DLGAP4: variants seen among roughly 807,000 people sequenced by gnomAD.
DLGAP4 encodes the protein disks large-associated protein 4.
A neutral mutation model predicts 86.9 loss-of-function variants in DLGAP4; 18 were observed. The ratio of observed to expected loss-of-function variants is 0.21; its 90% CI spans 0.14 to 0.31. DLGAP4 has a LOEUF of 0.31. Ranked by LOEUF, DLGAP4 falls within the 10% of genes least tolerant of loss-of-function variation. The pLI is 1.00. For missense variants in DLGAP4, 1,085 were observed against 1,362.6 expected (o/e 0.80, Z 3.21); for synonymous variants, 548 against 574.3 (o/e 0.95, Z 0.65).
At chr20:36,423,139 T>C (rs2032874100) in intron 2 of DLGAP4, among the ~76,000 whole-genome samples, 1 of 152,054 alleles carries the variant, frequency 6.6e-6, no homozygotes, top group African/African-American at 2.4e-5. Context: ...CAGTACGAGG[T>C]CACAGCAAAT....
chr20:36,376,869 G>A (rs969527593), intron 2 of DLGAP4, among the ~76,000 whole-genome samples: 46 of 152,308 alleles, frequency 3.0e-4, no homozygotes, highest in African/African-American at 1.1e-3. Context: ...TGTGGGGAAG[G>A]TGGGAGGAGA....
intron 8 of DLGAP4, 44 bp downstream of exon 8, chr20:36,497,110 C>T: frequency 2.6e-6 from 4 of 1,537,144 alleles, no homozygotes; most frequent in Middle Eastern, 1.8e-4. Context: ...CCACTCCGTG[C>T]ACCTGCCTGT....
At chr20:36,507,271 A>T (rs1461469990) in intron 10 of DLGAP4, among the ~76,000 whole-genome samples, 3 of 151,878 alleles carry the variant, frequency 2.0e-5, no homozygotes, top group African/African-American at 7.3e-5. Context: ...TCTGTTGCCC[A>T]GGCTGGAGTG....
intron 2 of DLGAP4, among the ~76,000 whole-genome samples, chr20:36,409,773 C>A (rs1240168671): frequency 6.6e-6 from 1 of 151,472 alleles, no homozygotes; most frequent in African/African-American, 2.4e-5. Context: ...GTGGCTCAAG[C>A]CTGTAATCCC....
intron 10 of DLGAP4, chr20:36,508,123 G>A (rs1351311104): frequency 6.6e-6 from 1 of 152,224 alleles, no homozygotes; most frequent in African/African-American, 2.4e-5. Context: ...GCCCAAGGCG[G>A]GGCTTCAGGT....
intron 7 of DLGAP4, chr20:36,461,884 C>T (rs1176916366): frequency 1.0e-6 from 1 of 985,146 alleles, no homozygotes; most frequent in African/African-American, 1.8e-5. Flanking sequence ...CTCCGCAGCC[C>T]CTCCCTCGCT....
At chr20:36,355,472 G>A (rs534541842) in intron 1 of DLGAP4, among the ~76,000 whole-genome samples, 2 of 151,780 alleles carry the variant, frequency 1.3e-5, no homozygotes, top group Admixed American at 1.3e-4. Context: ...AATTTTTGTG[G>A]TTTTCGTAGA....
chr20:36,514,070 C>T (rs2036892070), intron 10 of DLGAP4, among the ~76,000 whole-genome samples: 1 of 152,092 alleles, frequency 6.6e-6, no homozygotes, highest in African/African-American at 2.4e-5. Flanking sequence ...AGACTGATCC[C>T]AGAGACATGA....
chr20:36,356,675 TAAA>T (rs781791220), intron 1 of DLGAP4, among the ~76,000 whole-genome samples: 10 of 128,694 alleles, frequency 7.8e-5, no homozygotes, highest in Non-Finnish European at 1.0e-4. Context: ...CCTGTTTTTG[TAAA>T]AAAAAAAAAA....
At chr20:36,404,168 G>C (rs553203193) in intron 2 of DLGAP4, among the ~76,000 whole-genome samples, 1 of 152,184 alleles carries the variant, frequency 6.6e-6, no homozygotes, top group Non-Finnish European at 1.5e-5. Flanking sequence ...ATGAAATCTT[G>C]ACTGTACCTT....
chr20:36,399,859 T>TC (rs1207866538), intron 2 of DLGAP4, among the ~76,000 whole-genome samples: 1 of 152,160 alleles, frequency 6.6e-6, no homozygotes, highest in African/African-American at 2.4e-5. Flanking sequence ...CAGGCTGTAG[T>TC]CCCGAGGCTC....
Position 36,500,559 on chromosome 20 carries a change from C to G in DLGAP4, c.2460C>G (p.Gly820=), listed in dbSNP as rs778575784. ...LLQAETERLE[G]WCCQMDKETK... is the part of the protein sequence containing the mutation. ...AGGCAGAAACAGAGCGGCTGGAAGG[C>G]TGGTGCTGCCAGATGGACAAGGAGA... The change falls in exon 10 of 13, where the codon GGC becomes GGG. Residue 820 remains glycine, a synonymous_variant. Coordinates refer to ENST00000339266, the MANE Select transcript of DLGAP4 (RefSeq NM_001365621.2). This position sits in a 1 kb window ranked among gnomAD's most constrained non-coding sequence, Gnocchi z 4.6. 3.6e-5 allele frequency: 55 copies of G among 1,526,858 alleles called. No homozygotes were observed. Among genetic ancestry groups the G allele is most frequent in the Non-Finnish European group, 4.5e-5 (51 of 1,139,820 alleles). 94.6% of individuals were successfully genotyped at this position (1,526,858 alleles called of 1,614,324 possible).
rs778205066 is a variant in DLGAP4, at chr20:36,499,602, G to A, written c.2025G>A (p.Gln675=). 5.0e-6 allele frequency: 8 copies of A among 1,614,026 alleles called. No homozygotes were observed. The East Asian group carries it at 1.6e-4, about 31-fold the overall frequency. Residue 675 remains glutamine (Q), a synonymous_variant, in exon 9 of 13, where the codon CAG becomes CAA. Coordinates refer to ENST00000339266, the MANE Select transcript of DLGAP4 (RefSeq NM_001365621.2). ...SSIGIQVDCI[Q]PVPKEEPSPA... is the part of the protein sequence containing the mutation. ...CCTTCAATAAGGTTGACTGCATTCA[G>A]CCAGTGCCAAAAGAGGAGCCCAGTC...
intron 7 of DLGAP4, among the ~76,000 whole-genome samples, chr20:36,459,263 T>G (rs2033961003): frequency 6.6e-6 from 1 of 152,178 alleles, no homozygotes; most frequent in East Asian, 1.9e-4. Context: ...CCCTAAAGCA[T>G]CACCATCAGA....
chr20:36,428,854 C>T (rs949386825), intron 2 of DLGAP4, among the ~76,000 whole-genome samples: 2 of 152,218 alleles, frequency 1.3e-5, no homozygotes, highest in Non-Finnish European at 2.9e-5. Context: ...GAGACACAGT[C>T]CCACTTTGTT....
rs1448442492 is a variant in DLGAP4, at chr20:36,525,245, AAAAAAAAAAC to A, written c.2605-602_2605-593del. The stretch of plus-strand genomic sequence containing the variant: ...AAAAAAAAAAAAAAAAAAAAAAAAA[AAAAAAAAAAC>A]AAAGAAATCCCACTGCTGGGATTGG... On this transcript the variant is annotated intron_variant, in intron 11 of 12. Coordinates refer to ENST00000339266, the MANE Select transcript of DLGAP4 (RefSeq NM_001365621.2). Among the ~76,000 whole-genome samples the A allele has an allele frequency of 1.1e-3, 86 of 79,394 alleles. 8 individuals are homozygous for A. Among genetic ancestry groups the A allele is most frequent in the Non-Finnish European group, 1.6e-3 (44 of 28,124 alleles). The allele number at this position is 79,394 out of a possible 152,430, so 52.1% of individuals were successfully genotyped here. A position where few individuals can be genotyped will look rare whatever the true frequency, so the allele number is the denominator to read the frequency against.
At chr20:36,461,038 G>A (rs2147612912) in intron 7 of DLGAP4, among the ~76,000 whole-genome samples, 1 of 152,172 alleles carries the variant, frequency 6.6e-6, no homozygotes, top group East Asian at 1.9e-4. Context: ...GGGGTGAGAG[G>A]GCCACCTCGG....
intron 2 of DLGAP4, among the ~76,000 whole-genome samples, chr20:36,417,236 A>C (rs546498387): frequency 6.6e-6 from 1 of 152,144 alleles, no homozygotes; most frequent in Admixed American, 6.5e-5. Flanking sequence ...GAGTATGTGA[A>C]GTGTTGAGGG....
chr20:36,362,347 C>G (rs567196380), intron 1 of DLGAP4, among the ~76,000 whole-genome samples: 198 of 152,284 alleles, frequency 1.3e-3, no homozygotes, highest in African/African-American at 4.5e-3. Flanking sequence ...AGAATAGAAG[C>G]CTCCTGGCTT....
Sources: allele counts gnomAD v4.1 joint callset (sites outside exome capture counted in the v4.1 genomes callset), GRCh38; gene constraint gnomAD v4.1.1; non-coding constraint Gnocchi (gnomAD v3.1); transcripts MANE v1.5; gene names NCBI Gene and HGNC (gene_info 2026-07-23, HGNC 2026-07-21).